Variants in ZNF407 observed in about 807,000 individuals in gnomAD.
The protein encoded by ZNF407 is zinc finger protein 407.
Under a neutral mutation model 131.2 loss-of-function variants are expected in ZNF407, and 17 were observed. The ratio of observed to expected loss-of-function variants is 0.13; its 90% CI spans 0.09 to 0.19. The LOEUF is 0.19. ZNF407 is among the 10% of genes least tolerant of loss of function. The pLI is 1.00. For synonymous variants in ZNF407, 1,156 were observed against 1,062.0 expected (o/e 1.09, Z -1.72); for missense variants, 2,681 against 2,830.6 (o/e 0.95, Z 1.20).
intron 8 of ZNF407, among the ~76,000 whole-genome samples, chr18:75,057,749 A>G (rs189117262): frequency 1.3e-5 from 2 of 152,154 alleles, no homozygotes; most frequent in Admixed American, 1.3e-4. Context: ...AGAAAATGCC[A>G]TATTCAGGAT....
intron 8 of ZNF407, among the ~76,000 whole-genome samples, chr18:74,944,376 T>G (rs965597278): frequency 2.6e-5 from 4 of 152,210 alleles, no homozygotes; most frequent in African/African-American, 9.7e-5. Context: ...GGTTAATATT[T>G]ATTGATTTTT....
At chr18:74,669,051 C>T (rs1359817939) in intron 3 of ZNF407, among the ~76,000 whole-genome samples, 1 of 152,118 alleles carries the variant, frequency 6.6e-6, no homozygotes, top group Non-Finnish European at 1.5e-5. Flanking sequence ...TGTGAGGAGC[C>T]CCGTCATCAC....
At chr18:74,667,431 T>C (rs1985974961) in intron 3 of ZNF407, among the ~76,000 whole-genome samples, 1 of 152,206 alleles carries the variant, frequency 6.6e-6, no homozygotes, top group South Asian at 2.1e-4. Context: ...CCAGGTACAG[T>C]GCTTTTAATG....
At chr18:74,828,743 C>G (rs751123615) in intron 4 of ZNF407, among the ~76,000 whole-genome samples, 1 of 129,410 alleles carries the variant, frequency 7.7e-6, no homozygotes, top group African/African-American at 2.5e-5. Flanking sequence ...TCGTTGCACT[C>G]TTTTAAAACA....
At chr18:74,722,361 C>G (rs1968059161) in intron 3 of ZNF407, among the ~76,000 whole-genome samples, 1 of 152,090 alleles carries the variant, frequency 6.6e-6, no homozygotes, top group Non-Finnish European at 1.5e-5. Flanking sequence ...GAGATCCTCT[C>G]TAGTTGTCTT....
chr18:74,943,163 G>T (rs1217988346), intron 8 of ZNF407, among the ~76,000 whole-genome samples: 1 of 152,048 alleles, frequency 6.6e-6, no homozygotes, highest in East Asian at 1.9e-4. Flanking sequence ...CTATCCACCT[G>T]CCTTGGCCTC....
intron 1 of ZNF407, among the ~76,000 whole-genome samples, chr18:74,599,721 G>A (rs977515414): frequency 6.6e-6 from 1 of 152,126 alleles, no homozygotes; most frequent in Non-Finnish European, 1.5e-5. Flanking sequence ...TGTTTTATTA[G>A]AGTAGAACTC....
chr18:74,713,499 T>C (rs1169682502), intron 3 of ZNF407, among the ~76,000 whole-genome samples: 4 of 151,994 alleles, frequency 2.6e-5, no homozygotes, highest in African/African-American at 9.7e-5. Flanking sequence ...TAAATAATTA[T>C]TTCTTAGATA....
At chr18:74,730,404 C>A (rs1968267513) in intron 3 of ZNF407, among the ~76,000 whole-genome samples, 2 of 152,174 alleles carry the variant, frequency 1.3e-5, no homozygotes, top group Non-Finnish European at 1.5e-5. Flanking sequence ...TAACCCCTTC[C>A]TGTTGATACT....
intron 3 of ZNF407, among the ~76,000 whole-genome samples, chr18:74,714,084 A>C (rs534502194): frequency 4.6e-5 from 7 of 152,368 alleles, no homozygotes; most frequent in African/African-American, 1.7e-4. Context: ...AAGCTATTTG[A>C]AAAGTTACTT....
intron 1 of ZNF407, among the ~76,000 whole-genome samples, chr18:74,608,355 C>CTTT (rs375136326): frequency 0.011 from 1,655 of 146,550 alleles, 27 homozygotes; most frequent in African/African-American, 0.037. Context: ...TTTTAGATTT[C>CTTT]TTTTTTTTTT....
At chr18:75,041,468 C>T (rs1432239263) in intron 8 of ZNF407, among the ~76,000 whole-genome samples, 1 of 152,110 alleles carries the variant, frequency 6.6e-6, no homozygotes, top group Non-Finnish European at 1.5e-5. Context: ...CACACACACA[C>T]ACTCACACAC....
rs75743815 is a variant in ZNF407 at position 74,698,265 on chromosome 18, A to G, written c.4802+57143A>G. Among the ~76,000 whole-genome samples the G allele has an allele frequency of 8.1e-3, 1,233 of 152,366 alleles. 16 individuals are homozygous for G. The highest frequency in any genetic ancestry group is 0.028 in the African/African-American group (1,169 of 41,584). On this transcript the variant is annotated intron_variant, in intron 3 of 8. Coordinates refer to ENST00000299687, the MANE Select transcript of ZNF407 (RefSeq NM_017757.3). ...GCAGTTAAGAAAATATGAGCCATTT[A>G]GAAACATTCTATCTAGTGATTCAAT...
chr18:74,962,735 T>G (rs1972361459), intron 8 of ZNF407, among the ~76,000 whole-genome samples: 1 of 152,250 alleles, frequency 6.6e-6, no homozygotes. Context: ...GAGTCAATTC[T>G]GAAACCCTTC....
chr18:74,702,937 G>A (rs888997443), intron 3 of ZNF407, among the ~76,000 whole-genome samples: 4 of 152,220 alleles, frequency 2.6e-5, no homozygotes, highest in Non-Finnish European at 4.4e-5. Flanking sequence ...GAACCCACAA[G>A]CATGACCTGG....
intron 8 of ZNF407, among the ~76,000 whole-genome samples, chr18:74,995,738 G>T (rs188396656): frequency 6.6e-6 from 1 of 152,084 alleles, no homozygotes; most frequent in African/African-American, 2.4e-5. Context: ...CAGTTCATTC[G>T]GCTGTGCTCT....
Position 74,989,801 on chromosome 18 carries a change from C to T in ZNF407, c.5428+69109C>T, listed in dbSNP as rs185781213. On this transcript the variant is annotated intron_variant, in intron 8 of 8. Transcript: ENST00000299687. ...GAGGTTGCAGTGAGCCAAGATCCCACGACTGTACTCCAGCCTGGGCGACAG... is the reference window on the plus strand; with the variant it reads ...GAGGTTGCAGTGAGCCAAGATCCCATGACTGTACTCCAGCCTGGGCGACAG... Among the ~76,000 whole-genome samples, 188 of 149,858 alleles carry T rather than the reference C, an allele frequency of 1.3e-3. 2 individuals are homozygous for T. The highest frequency in any genetic ancestry group is 0.011 in the Admixed American group (166 of 14,996).
intron 8 of ZNF407, among the ~76,000 whole-genome samples, chr18:75,006,063 C>T (rs115595152): frequency 0.011 from 1,603 of 152,152 alleles, 27 homozygotes; most frequent in African/African-American, 0.036. Flanking sequence ...AGAGGCATGT[C>T]GGATGAACGG....
At chr18:75,008,963 A>T (rs1480688533) in intron 8 of ZNF407, among the ~76,000 whole-genome samples, 1 of 152,106 alleles carries the variant, frequency 6.6e-6, no homozygotes. Context: ...TTATTTTTCA[A>T]TAAAGATTCT....
Sources: allele counts gnomAD v4.1 joint callset (sites outside exome capture counted in the v4.1 genomes callset), GRCh38; gene constraint gnomAD v4.1.1; transcripts MANE v1.5; gene names NCBI Gene and HGNC (gene_info 2026-07-23, HGNC 2026-07-21).